Variants in DIRAS2 observed in about 807,000 individuals in gnomAD.
DIRAS2 encodes GTP-binding protein Di-Ras2.
DIRAS2 carries 5 observed loss-of-function variants against 13.9 expected under a neutral mutation model. The ratio of observed to expected loss-of-function variants is 0.36; its 90% CI spans 0.19 to 0.76. DIRAS2 has a LOEUF of 0.76. DIRAS2 is among the 30% of genes least tolerant of loss of function. DIRAS2 has a pLI of 0.53. For missense variants in DIRAS2, 191 were observed against 263.0 expected (o/e 0.73, Z 1.89); for synonymous variants, 111 against 105.4 (o/e 1.05, Z -0.33).
At chr9:90,619,036 G>A (rs1259241437) in intron 1 of DIRAS2, among the ~76,000 whole-genome samples, 6 of 152,194 alleles carry the variant, frequency 3.9e-5, no homozygotes, top group Non-Finnish European at 8.8e-5. Context: ...CTACTCAGGA[G>A]GCTGAGGCAG....
chr9:90,640,052 A>G (rs564502413), intron 1 of DIRAS2, among the ~76,000 whole-genome samples: 3 of 152,352 alleles, frequency 2.0e-5, no homozygotes, highest in Admixed American at 2.0e-4. Context: ...CAGGCATTTA[A>G]AAAGGTAAAA....
chr9:90,610,599 A>G lies in DIRAS2; in HGVS notation c.*2629T>C, dbSNP rs764432950. ...ATGTGTTTTCAAGAACCACAGCTAC[A>G]TATTTGGGAATGGAAACGTACAAAT... On this transcript the variant is annotated 3_prime_UTR_variant, in exon 2 of 2. Coordinates refer to ENST00000375765, the MANE Select transcript of DIRAS2 (RefSeq NM_017594.5). The G allele has an allele frequency of 1.0e-5, 4 of 394,400 alleles. No individual in the cohort carries two copies. The Admixed American group carries it at 1.3e-4, about 13-fold the overall frequency. 24.4% of individuals were successfully genotyped at this position (394,400 alleles called of 1,614,324 possible). A position where few individuals can be genotyped will look rare whatever the true frequency, so the allele number is the denominator to read the frequency against.
Position 90,613,926 on chromosome 9 carries a change from T to A in DIRAS2, c.-36-63A>T. 7.1e-7 allele frequency: 1 copy of A among 1,402,288 alleles called. No individual in the cohort carries two copies. The highest frequency in any genetic ancestry group is 9.6e-7 in the Non-Finnish European group (1 of 1,044,998). 86.9% of individuals were successfully genotyped at this position (1,402,288 alleles called of 1,614,324 possible). A position where few individuals can be genotyped will look rare whatever the true frequency, so the allele number is the denominator to read the frequency against. ...TAAAATATAAAAACATTAATAAGGA[T>A]AGCTCTACCCTCTTTTGATAGCTTA... is the stretch of plus-strand genomic sequence containing the variant. On this transcript the variant is annotated intron_variant, in intron 1 of 1. Coordinates refer to ENST00000375765, the MANE Select transcript of DIRAS2 (RefSeq NM_017594.5). The surrounding 1 kb of genome is among the most constrained non-coding windows in gnomAD (Gnocchi z 5.6).
chr9:90,617,353 T>C (rs1249267092), intron 1 of DIRAS2, among the ~76,000 whole-genome samples: 1 of 152,122 alleles, frequency 6.6e-6, no homozygotes, highest in East Asian at 1.9e-4. Context: ...CATCTAGTGA[T>C]AAATATCTGG....
At chr9:90,636,728 G>A (rs749820732) in intron 1 of DIRAS2, among the ~76,000 whole-genome samples, 23 of 152,336 alleles carry the variant, frequency 1.5e-4, no homozygotes, top group South Asian at 1.0e-3. Flanking sequence ...TAGTCAAAGA[G>A]AGACAGATAT....
intron 1 of DIRAS2, among the ~76,000 whole-genome samples, chr9:90,632,685 A>G (rs540760785): frequency 3.3e-5 from 5 of 152,304 alleles, no homozygotes; most frequent in Admixed American, 2.6e-4. Context: ...TGCCTGGCCC[A>G]TAAGAAGTGT....
At chr9:90,638,954 C>T (rs1431166296) in intron 1 of DIRAS2, among the ~76,000 whole-genome samples, 1 of 151,968 alleles carries the variant, frequency 6.6e-6, no homozygotes, top group African/African-American at 2.4e-5. Flanking sequence ...TTTGTCTGAG[C>T]TCTGATGATT....
At chr9:90,639,009 G>A (rs1825395574) in intron 1 of DIRAS2, among the ~76,000 whole-genome samples, 1 of 152,146 alleles carries the variant, frequency 6.6e-6, no homozygotes, top group African/African-American at 2.4e-5. Context: ...TGTTTATTAT[G>A]AGAAGGCCTA....
chr9:90,615,922 T>G (rs560117386), intron 1 of DIRAS2, among the ~76,000 whole-genome samples: 1 of 152,214 alleles, frequency 6.6e-6, no homozygotes, highest in Non-Finnish European at 1.5e-5. Flanking sequence ...AAATGGACAA[T>G]GGAATCTAAT....
At chr9:90,638,518 A>G (rs1825390645) in intron 1 of DIRAS2, among the ~76,000 whole-genome samples, 1 of 152,216 alleles carries the variant, frequency 6.6e-6, no homozygotes, top group Non-Finnish European at 1.5e-5. Context: ...AAGGCCAAAG[A>G]GGTCCCAAGA....
In DIRAS2 at chr9:90,613,424, T is replaced by A; in HGVS notation, c.404A>T (p.Glu135Val). The A allele has an allele frequency of 6.2e-7, 1 of 1,614,146 alleles. No individual in the cohort carries two copies. The highest frequency in any genetic ancestry group is 8.5e-7 in the Non-Finnish European group (1 of 1,180,018). The change falls in exon 2 of 2, where the codon GAG becomes GTG. Residue 135 changes from glutamate (E) to valine (V), a missense_variant. Physicochemically the swap from Glu to Val is moderately radical, Grantham distance 121. Transcript: ENST00000375765. The surrounding 1 kb of genome is among the most constrained non-coding windows in gnomAD (Gnocchi z 5.6). ...CCATGTGCGGGCCAAGGCCTCCGCC[T>A]CGCTGCTCTGCACCTCGCGGCTGGG... ...ESPSREVQSS[E>V]AEALARTWKC...
rs950594957 is a variant in DIRAS2 at position 90,628,714 on chromosome 9, T to A, written c.-37+14038A>T. Reference sequence around the variant, plus strand: ...GCTCATGCCACCACACCTGGCTCACTTTTTGTATTTTTTGTAGAGACAAGG... The same window carrying A: ...GCTCATGCCACCACACCTGGCTCACATTTTGTATTTTTTGTAGAGACAAGG... On this transcript the variant is annotated intron_variant, in intron 1 of 1. Coordinates refer to ENST00000375765, the MANE Select transcript of DIRAS2 (RefSeq NM_017594.5). Among the ~76,000 whole-genome samples, 4 of 151,982 alleles carry A rather than the reference T, an allele frequency of 2.6e-5. No homozygotes were observed. The East Asian group carries it at 5.8e-4, about 22-fold the overall frequency.
intron 1 of DIRAS2, among the ~76,000 whole-genome samples, chr9:90,630,558 A>G (rs1825315233): frequency 6.6e-6 from 1 of 152,230 alleles, no homozygotes. Flanking sequence ...AGTCTTTCCA[A>G]TACTTTACAT....
At chr9:90,642,452 C>T (rs1825427044) in intron 1 of DIRAS2, among the ~76,000 whole-genome samples, 1 of 152,160 alleles carries the variant, frequency 6.6e-6, no homozygotes, top group Non-Finnish European at 1.5e-5. Flanking sequence ...AACAGAAACA[C>T]CTGCACAGTA....
At chr9:90,623,358 C>T (rs1284373821) in intron 1 of DIRAS2, among the ~76,000 whole-genome samples, 1 of 152,146 alleles carries the variant, frequency 6.6e-6, no homozygotes, top group Non-Finnish European at 1.5e-5. Context: ...TGACTTGATA[C>T]ACACCCCTGT....
intron 1 of DIRAS2, among the ~76,000 whole-genome samples, chr9:90,641,707 A>G (rs930954548): frequency 6.6e-6 from 1 of 152,170 alleles, no homozygotes; most frequent in East Asian, 1.9e-4. Flanking sequence ...AATGGAGCAC[A>G]TTGTGACTGA....
rs992807258 is a variant in DIRAS2, at chr9:90,612,799, C to T, written c.*429G>A. The T allele has an allele frequency of 8.2e-5, 15 of 183,992 alleles. No individual in the cohort carries two copies. The highest frequency in any genetic ancestry group is 3.1e-4 in the African/African-American group (13 of 42,236). The allele number at this position is 183,992 out of a possible 1,614,324, so 11.4% of individuals were successfully genotyped here. ...TCTGATCTTCTCACCTCTTCCTGCC[C>T]CTCCCCTCCCCCAAAGATGTGATTG... On this transcript the variant is annotated 3_prime_UTR_variant, in exon 2 of 2. Coordinates refer to ENST00000375765, the MANE Select transcript of DIRAS2 (RefSeq NM_017594.5).
intron 1 of DIRAS2, among the ~76,000 whole-genome samples, chr9:90,622,000 T>A (rs1825223254): frequency 6.6e-6 from 1 of 152,138 alleles, no homozygotes; most frequent in African/African-American, 2.4e-5. Flanking sequence ...TGCCTATAAT[T>A]CCAGCATTTA....
intron 1 of DIRAS2, among the ~76,000 whole-genome samples, chr9:90,629,864 C>T (rs908510306): frequency 5.3e-5 from 8 of 152,076 alleles, no homozygotes; most frequent in African/African-American, 1.7e-4. Context: ...CTGATTGAAT[C>T]TGCAGATGCG....
Sources: gnomAD v4.1 joint callset for allele counts (sites outside exome capture counted in the v4.1 genomes callset) on GRCh38, gnomAD v4.1.1 for gene constraint, Gnocchi (gnomAD v3.1) non-coding constraint, MANE v1.5 for transcripts, NCBI Gene and HGNC (gene_info 2026-07-23, HGNC 2026-07-21) for gene names.